The following GRIA1 variants were observed in gnomAD, a reference collection of about 807,000 sequenced individuals.
GRIA1 encodes the protein glutamate ionotropic receptor AMPA type subunit 1, also known as glutamate receptor 1.
A neutral mutation model predicts 99.2 loss-of-function variants in GRIA1; 31 were observed. The ratio of observed to expected loss-of-function variants is 0.31; its 90% CI spans 0.23 to 0.42. GRIA1 has a LOEUF of 0.42. GRIA1 is among the 10% of genes least tolerant of loss of function. The probability of loss-of-function intolerance (pLI) is 1.00; values close to 1 mark genes in which losing one functional copy is unlikely to be tolerated. For missense variants in GRIA1, 782 were observed against 1,157.5 expected, an observed-to-expected ratio of 0.68 and a Z score of 4.71; for synonymous variants, 438 against 432.4, an observed-to-expected ratio of 1.01 and a Z score of -0.16.
At chr5:153,563,644 T>G (rs187102346) in intron 2 of GRIA1, among the ~76,000 whole-genome samples, 1 of 152,304 alleles carries the variant, frequency 6.6e-6, no homozygotes, top group East Asian at 1.9e-4. Flanking sequence ...TAATATTGGT[T>G]GTGGAGCAGA....
chr5:153,790,753 G>A (rs1765244779), intron 13 of GRIA1, among the ~76,000 whole-genome samples: 1 of 152,044 alleles, frequency 6.6e-6, no homozygotes, highest in Admixed American at 6.6e-5. Flanking sequence ...ACTTAGTGAA[G>A]TTAACATTTA....
At chr5:153,492,427 A>C in intron 1 of GRIA1, 1 of 978,208 alleles carries the variant, frequency 1.0e-6, no homozygotes, top group Non-Finnish European at 1.4e-6. Flanking sequence ...TTTCTCTTTC[A>C]TTCATTGCAG....
At chr5:153,687,087 CAAAGTA>C (rs1348624812) in intron 8 of GRIA1, among the ~76,000 whole-genome samples, 1 of 152,154 alleles carries the variant, frequency 6.6e-6, no homozygotes, top group Non-Finnish European at 1.5e-5. Flanking sequence ...CTTCCACACT[CAAAGTA>C]AATGTCATTC....
intron 5 of GRIA1, among the ~76,000 whole-genome samples, chr5:153,667,978 A>G (rs985566693): frequency 6.6e-6 from 1 of 152,202 alleles, no homozygotes; most frequent in African/African-American, 2.4e-5. Flanking sequence ...TTTACTCCCC[A>G]TCATTGTACT....
At chr5:153,714,876 T>C (rs936062663) in intron 11 of GRIA1, among the ~76,000 whole-genome samples, 2 of 152,180 alleles carry the variant, frequency 1.3e-5, no homozygotes, top group African/African-American at 4.8e-5. Context: ...AGAAAATAAA[T>C]GGTGTCAAGA....
chr5:153,525,096 A>G (rs1248042396), intron 2 of GRIA1: 5 of 152,232 alleles, frequency 3.3e-5, no homozygotes, highest in African/African-American at 1.2e-4. Context: ...TTAGCAGTTT[A>G]TTAGAAGTGT....
intron 1 of GRIA1, among the ~76,000 whole-genome samples, 178 bp from the exon 2 acceptor site, chr5:153,493,750 T>G (rs80164371): frequency 0.02 from 3,112 of 152,308 alleles, 114 homozygotes; most frequent in African/African-American, 0.071. Context: ...AAAGCTCATC[T>G]GTAGGAGTTT....
intron 2 of GRIA1, among the ~76,000 whole-genome samples, chr5:153,561,183 G>A (rs1389945191): frequency 2.0e-5 from 3 of 152,122 alleles, no homozygotes; most frequent in Admixed American, 2.0e-4. Flanking sequence ...TTTTCTAGTC[G>A]GGGGTCATGA....
chr5:153,563,641 G>T (rs546951433), intron 2 of GRIA1, among the ~76,000 whole-genome samples: 2 of 152,260 alleles, frequency 1.3e-5, no homozygotes, highest in South Asian at 4.1e-4. Flanking sequence ...GTGTAATATT[G>T]GTTGTGGAGC....
intron 15 of GRIA1, among the ~76,000 whole-genome samples, chr5:153,805,388 T>C (rs949937523): frequency 6.6e-6 from 1 of 152,198 alleles, no homozygotes; most frequent in Non-Finnish European, 1.5e-5. Flanking sequence ...TGTGAAATTG[T>C]ATCCAAAGGA....
intron 2 of GRIA1, among the ~76,000 whole-genome samples, chr5:153,505,354 GA>G (rs5872319): frequency 0.76 from 115,145 of 152,084 alleles, 44,057 homozygotes; most frequent in East Asian, 0.87. Context: ...AACTCCTTGG[GA>G]AAAAAATATA....
chr5:153,659,585 A>C (rs1192963154), intron 5 of GRIA1, among the ~76,000 whole-genome samples: 1 of 152,168 alleles, frequency 6.6e-6, no homozygotes, highest in African/African-American at 2.4e-5. Flanking sequence ...CTTAGACCAA[A>C]TGAGTGTTTC....
At chr5:153,603,109 TC>T (rs200950622) in intron 2 of GRIA1, among the ~76,000 whole-genome samples, 32,707 of 151,684 alleles carry the variant, frequency 0.22, 4,163 homozygotes, top group Non-Finnish European at 0.29. Context: ...AGTGTGATGT[TC>T]CCCTTCCTGT....
At chr5:153,675,248 T>C (rs376336407) in intron 6 of GRIA1, among the ~76,000 whole-genome samples, 1 of 152,188 alleles carries the variant, frequency 6.6e-6, no homozygotes, top group African/African-American at 2.4e-5. Flanking sequence ...CTCATTTCAT[T>C]GTAGATTGAG....
intron 13 of GRIA1, among the ~76,000 whole-genome samples, chr5:153,781,974 T>C (rs768243763): frequency 2.6e-4 from 39 of 152,118 alleles, no homozygotes; most frequent in Non-Finnish European, 5.4e-4. Flanking sequence ...GGGCCAGGGG[T>C]AAAACCTATG....
rs974364812 is a variant in GRIA1 at position 153,663,785 on chromosome 5, T to A, written c.699+7913T>A. The stretch of plus-strand genomic sequence containing the variant: ...AGGGTTCTAGTTTTCCTGATTGTCT[T>A]CAGTTCAGAGGTATCAAAAAATATC... On this transcript the variant is annotated intron_variant, in intron 5 of 15. Coordinates refer to ENST00000285900, the MANE Select transcript of GRIA1 (RefSeq NM_000827.4). 3.3e-5 allele frequency among the ~76,000 whole-genome samples: 5 copies of A among 152,214 alleles called. 1 individual carries two copies. The highest frequency in any genetic ancestry group is 2.6e-4 in the Admixed American group (4 of 15,276).
chr5:153,732,520 CT>C (rs1295652416), intron 11 of GRIA1, among the ~76,000 whole-genome samples: 1 of 151,976 alleles, frequency 6.6e-6, no homozygotes, highest in Non-Finnish European at 1.5e-5. Context: ...ACCTTTCTGT[CT>C]TTTTTGGAAA....
chr5:153,774,429 C>T (rs188432033), intron 13 of GRIA1, among the ~76,000 whole-genome samples: 79 of 152,260 alleles, frequency 5.2e-4, no homozygotes, highest in Non-Finnish European at 1.0e-3. Context: ...TTTAACTACT[C>T]ACAAGGCTGC....
chr5:153,733,459 AC>A (rs1435866759), intron 11 of GRIA1, among the ~76,000 whole-genome samples: 1 of 152,164 alleles, frequency 6.6e-6, no homozygotes, highest in Non-Finnish European at 1.5e-5. Flanking sequence ...GAAAGGGACT[AC>A]AAAACAGCCA....
Sources: gnomAD v4.1 joint callset for allele counts (sites outside exome capture counted in the v4.1 genomes callset) on GRCh38, gnomAD v4.1.1 for gene constraint, MANE v1.5 for transcripts, NCBI Gene and HGNC (gene_info 2026-07-23, HGNC 2026-07-21) for gene names.